The following TTC6 variants were observed in gnomAD, a reference collection of about 807,000 sequenced individuals.
TTC6 encodes the protein tetratricopeptide repeat domain 6, also known as tetratricopeptide repeat protein 6.
A neutral mutation model predicts 210.4 loss-of-function variants in TTC6; 172 were observed. The observed-to-expected ratio is 0.82, with a 90% CI of 0.72 to 0.93. The LOEUF is 0.93. Ranked by LOEUF, TTC6 falls within the 40% of genes least tolerant of loss-of-function variation. The probability of loss-of-function intolerance (pLI) is 0.00; values close to 1 mark genes in which losing one functional copy is unlikely to be tolerated. For synonymous variants in TTC6, 804 were observed against 819.6 expected (o/e 0.98, Z 0.32); for missense variants, 2,414 against 2,318.1 (o/e 1.04, Z -0.85).
intron 2 of TTC6, 141 bp downstream of exon 4, chr14:37,680,402 G>A (rs2095780702): frequency 1.8e-6 from 1 of 571,052 alleles, no homozygotes; most frequent in East Asian, 3.0e-5. Context: ...CATCTAACTC[G>A]ATACCACACT....
chr14:37,626,682 T>A (rs1431897259), intron 1 of TTC6, among the ~76,000 whole-genome samples: 1 of 152,118 alleles, frequency 6.6e-6, no homozygotes, highest in African/African-American at 2.4e-5. Flanking sequence ...TTGCCTAATT[T>A]CTCCCAGACT....
chr14:37,775,875 CTTCT>C (rs2096035837), intron 14 of TTC6, among the ~76,000 whole-genome samples: 1 of 152,000 alleles, frequency 6.6e-6, no homozygotes, highest in Non-Finnish European at 1.5e-5. Flanking sequence ...ATGTAATGCC[CTTCT>C]TTGTCTTTTT....
At chr14:37,820,274 A>G (rs535694964) in intron 26 of TTC6, among the ~76,000 whole-genome samples, 6 of 152,320 alleles carry the variant, frequency 3.9e-5, no homozygotes, top group South Asian at 4.1e-4. Flanking sequence ...TTTAGTCACT[A>G]TCGGCTTTGA....
chr14:37,749,378 A>G (rs983553379), exon 11 of TTC6: 4 of 1,454,744 alleles, frequency 2.7e-6, no homozygotes, highest in Admixed American at 2.7e-5. Context: ...AAAGTTGCAG[A>G]GTGCCATGAA....
chr14:37,773,596 A>G (rs2139203032), intron 14 of TTC6, among the ~76,000 whole-genome samples: 1 of 152,020 alleles, frequency 6.6e-6, no homozygotes, highest in South Asian at 2.1e-4. Context: ...TGGGCTTTTT[A>G]TTCTGTTCCA....
At chr14:37,766,477 C>T (rs1427752219) in intron 14 of TTC6, among the ~76,000 whole-genome samples, 1 of 152,114 alleles carries the variant, frequency 6.6e-6, no homozygotes, top group African/African-American at 2.4e-5. Context: ...TTTTCTGTTC[C>T]TGCATTAGTT....
intron 2 of TTC6, among the ~76,000 whole-genome samples, chr14:37,681,881 C>G (rs1483187636): frequency 1.3e-5 from 2 of 152,128 alleles, no homozygotes; most frequent in Non-Finnish European, 2.9e-5. Flanking sequence ...GTGAGTCAAG[C>G]CAATGGAGCA....
intron 1 of TTC6, among the ~76,000 whole-genome samples, chr14:37,670,756 C>A (rs1448746051): frequency 6.6e-6 from 1 of 152,012 alleles, no homozygotes; most frequent in African/African-American, 2.4e-5. Context: ...CAGGTGTGAG[C>A]CACTGTGCTG....
chr14:37,639,095 T>A (rs996281326), intron 1 of TTC6, among the ~76,000 whole-genome samples: 1 of 152,238 alleles, frequency 6.6e-6, no homozygotes, highest in African/African-American at 2.4e-5. Flanking sequence ...AGAACATACA[T>A]TGCTATGTAT....
At chr14:37,744,209 C>A (rs904346149) in intron 10 of TTC6, among the ~76,000 whole-genome samples, 1 of 152,124 alleles carries the variant, frequency 6.6e-6, no homozygotes, top group African/African-American at 2.4e-5. Context: ...ATTTATTGAG[C>A]ACTACTCAGC....
At chr14:37,678,686 C>A (rs1276989472) in intron 1 of TTC6, among the ~76,000 whole-genome samples, 1 of 152,156 alleles carries the variant, frequency 6.6e-6, no homozygotes, top group Non-Finnish European at 1.5e-5. Context: ...TTATTTGTTT[C>A]CATTCTCTGT....
At chr14:37,637,227 A>G (rs189589129) in intron 1 of TTC6, among the ~76,000 whole-genome samples, 18 of 152,362 alleles carry the variant, frequency 1.2e-4, no homozygotes, top group African/African-American at 3.4e-4. Flanking sequence ...AGACAAAAAC[A>G]TAGAAGAAAA....
At chr14:37,775,420 T>C (rs2096034119) in intron 14 of TTC6, among the ~76,000 whole-genome samples, 1 of 152,228 alleles carries the variant, frequency 6.6e-6, no homozygotes, top group African/African-American at 2.4e-5. Flanking sequence ...GATTCTGGTA[T>C]ATTGTATCTC....
chr14:37,800,498 C>T (rs2096103939), intron 20 of TTC6, among the ~76,000 whole-genome samples: 1 of 152,126 alleles, frequency 6.6e-6, no homozygotes, highest in African/African-American at 2.4e-5. Context: ...AAAATTCAGT[C>T]AAGAGAAAAG....
chr14:37,758,971 C>T (rs1468880269), intron 14 of TTC6, among the ~76,000 whole-genome samples: 1 of 152,042 alleles, frequency 6.6e-6, no homozygotes, highest in Non-Finnish European at 1.5e-5. Flanking sequence ...ATATGAAATT[C>T]TGGGTTGCAA....
chr14:37,746,394 A>G (rs1178485702), intron 10 of TTC6, among the ~76,000 whole-genome samples: 1 of 152,164 alleles, frequency 6.6e-6, no homozygotes, highest in Non-Finnish European at 1.5e-5. Flanking sequence ...CCTCTACAGC[A>G]ATTGTTCTTA....
intron 13 of TTC6, among the ~76,000 whole-genome samples, chr14:37,752,447 C>T (rs1426851289): frequency 6.6e-6 from 1 of 151,786 alleles, no homozygotes; most frequent in African/African-American, 2.4e-5. Context: ...CTTCATTTCC[C>T]CTATCCTGCA....
In TTC6 at chr14:37,598,990, A is replaced by T. The variant is rs1344011254; in HGVS notation, c.-235+2982A>T. On this transcript the variant is annotated intron_variant, in intron 1 of 2. Transcript: ENST00000556845. The surrounding 1 kb of genome is among the most constrained non-coding windows in gnomAD (Gnocchi z 4.9). ...CCTTCTGCAGGGGAGAATCGGATGCAATGAAACTAAGACCTGTGGTCGTTA... is the reference window on the plus strand; with the variant it reads ...CCTTCTGCAGGGGAGAATCGGATGCTATGAAACTAAGACCTGTGGTCGTTA... Among the ~76,000 whole-genome samples the T allele has an allele frequency of 1.4e-5, 2 of 142,502 alleles. No homozygotes were observed. Among genetic ancestry groups the T allele is most frequent in the Non-Finnish European group, 3.0e-5 (2 of 66,378 alleles). 93.5% of individuals were successfully genotyped at this position (142,502 alleles called of 152,430 possible). A position where few individuals can be genotyped will look rare whatever the true frequency, so the allele number is the denominator to read the frequency against.
intron 1 of TTC6, among the ~76,000 whole-genome samples, chr14:37,676,676 T>C (rs908997845): frequency 5.3e-5 from 8 of 152,144 alleles, no homozygotes; most frequent in African/African-American, 1.9e-4. Context: ...TGTTTTCTTC[T>C]AAGAATCTTA....
Sources: allele counts gnomAD v4.1 joint callset (sites outside exome capture counted in the v4.1 genomes callset), GRCh38; gene constraint gnomAD v4.1.1; non-coding constraint Gnocchi (gnomAD v3.1); transcripts MANE v1.5; gene names NCBI Gene and HGNC (gene_info 2026-07-23, HGNC 2026-07-21).